The following LRMDA variants were observed in gnomAD, a reference collection of about 807,000 sequenced individuals.
The protein encoded by LRMDA is leucine-rich melanocyte differentiation-associated protein.
Under a neutral mutation model 29.8 loss-of-function variants are expected in LRMDA, and 18 were observed. The observed-to-expected ratio is 0.60, with a 90% CI of 0.42 to 0.90. LRMDA has a LOEUF of 0.90. Ranked by LOEUF, LRMDA falls within the 40% of genes least tolerant of loss-of-function variation. The probability of loss-of-function intolerance (pLI) is 0.00; values close to 1 mark genes in which losing one functional copy is unlikely to be tolerated. For missense variants in LRMDA, 273 were observed against 273.9 expected, an observed-to-expected ratio of 1.00 and a Z score of 0.02; for synonymous variants, 125 against 109.4, an observed-to-expected ratio of 1.14 and a Z score of -0.89.
At chr10:76,337,348 A>G (rs535155744) in intron 6 of LRMDA, among the ~76,000 whole-genome samples, 3 of 152,320 alleles carry the variant, frequency 2.0e-5, no homozygotes, top group African/African-American at 7.2e-5. Flanking sequence ...TAAGATGAAA[A>G]CGACAGCAGA....
chr10:76,460,744 A>G (rs1333671195), intron 6 of LRMDA, among the ~76,000 whole-genome samples: 1 of 152,172 alleles, frequency 6.6e-6, no homozygotes, highest in African/African-American at 2.4e-5. Flanking sequence ...AGCACTCTTC[A>G]TTTCCCTACT....
At chr10:76,190,543 G>A (rs1034084807) in intron 5 of LRMDA, among the ~76,000 whole-genome samples, 1 of 152,196 alleles carries the variant, frequency 6.6e-6, no homozygotes, top group Non-Finnish European at 1.5e-5. Context: ...ATTCTGTCAA[G>A]TTTATTATCC....
At chr10:75,789,140 G>C (rs2132250414) in intron 2 of LRMDA, among the ~76,000 whole-genome samples, 1 of 152,344 alleles carries the variant, frequency 6.6e-6, no homozygotes, top group African/African-American at 2.4e-5. Context: ...GACACTTCTA[G>C]CTGTGTGACT....
chr10:76,202,960 G>C (rs1675881585), intron 5 of LRMDA, among the ~76,000 whole-genome samples: 1 of 152,140 alleles, frequency 6.6e-6, no homozygotes, highest in Admixed American at 6.5e-5. Flanking sequence ...TTCTTTCTCT[G>C]ACTAATTGGA....
intron 2 of LRMDA, among the ~76,000 whole-genome samples, chr10:75,588,289 G>A (rs1840680026): frequency 6.6e-6 from 1 of 152,208 alleles, no homozygotes; most frequent in African/African-American, 2.4e-5. Context: ...TGGAGCAAAG[G>A]CAGAAAACAA....
chr10:76,284,327 A>G (rs532784084), intron 5 of LRMDA, among the ~76,000 whole-genome samples: 1 of 152,254 alleles, frequency 6.6e-6, no homozygotes, highest in South Asian at 2.1e-4. Flanking sequence ...GATGTGATGA[A>G]GCAAGCAGAG....
intron 2 of LRMDA, among the ~76,000 whole-genome samples, chr10:75,725,974 C>T (rs1017779194): frequency 3.9e-5 from 6 of 152,126 alleles, no homozygotes; most frequent in African/African-American, 1.4e-4. Context: ...GCCCTATCCC[C>T]TAGGGAGTGG....
At position 75,897,817 on chromosome 10, in the gene LRMDA, C is replaced by CTTTTTT. The variant is rs3042518; in HGVS notation, c.132-138173_132-138168dup. The stretch of plus-strand genomic sequence containing the variant: ...GTTTTGCTAAAGCACTTCTTCCTGC[C>CTTTTTT]TTTTTTTTTTTTTTTTTTTTTTTGA... On this transcript the variant is annotated intron_variant, in intron 2 of 6. Transcript: ENST00000611255. Among the ~76,000 whole-genome samples the CTTTTTT allele has an allele frequency of 1.1e-3, 85 of 78,408 alleles. 2 individuals are homozygous for CTTTTTT. Among genetic ancestry groups the CTTTTTT allele is most frequent in the Non-Finnish European group, 1.2e-3 (55 of 44,584 alleles). The allele number at this position is 78,408 out of a possible 152,430, so 51.4% of individuals were successfully genotyped here. A position where few individuals can be genotyped will look rare whatever the true frequency, so the allele number is the denominator to read the frequency against.
At chr10:76,320,539 A>C (rs1840758124) in intron 5 of LRMDA, among the ~76,000 whole-genome samples, 1 of 152,168 alleles carries the variant, frequency 6.6e-6, no homozygotes, top group African/African-American at 2.4e-5. Context: ...TTGTTACAGG[A>C]ATTTTTCTCT....
intron 2 of LRMDA, among the ~76,000 whole-genome samples, chr10:75,679,948 G>A (rs1842004670): frequency 6.6e-6 from 1 of 152,182 alleles, no homozygotes; most frequent in South Asian, 2.1e-4. Context: ...AAAAATGGCT[G>A]TCATGGTAGC....
At chr10:76,238,706 C>T (rs1341421186) in intron 5 of LRMDA, among the ~76,000 whole-genome samples, 1 of 150,514 alleles carries the variant, frequency 6.6e-6, no homozygotes, top group South Asian at 2.1e-4. Flanking sequence ...CGGACAACAT[C>T]AACAATGTAA....
intron 5 of LRMDA, among the ~76,000 whole-genome samples, chr10:76,060,585 C>T (rs1848688314): frequency 6.6e-6 from 1 of 152,218 alleles, no homozygotes; most frequent in South Asian, 2.1e-4. Context: ...ACTCTTCTCT[C>T]TCTGCTTTCT....
At chr10:76,248,184 C>T (rs1012445673) in intron 5 of LRMDA, among the ~76,000 whole-genome samples, 1 of 151,952 alleles carries the variant, frequency 6.6e-6, no homozygotes, top group Non-Finnish European at 1.5e-5. Flanking sequence ...ATTTTTGTAC[C>T]CCCAGGGCAG....
intron 6 of LRMDA, among the ~76,000 whole-genome samples, chr10:76,445,109 C>A (rs1242287384): frequency 6.6e-6 from 1 of 152,052 alleles, no homozygotes; most frequent in African/African-American, 2.4e-5. Context: ...ATCTAGAGGG[C>A]ATGTAGTTAT....
chr10:75,592,984 A>C (rs1840742768), intron 2 of LRMDA, among the ~76,000 whole-genome samples: 1 of 151,960 alleles, frequency 6.6e-6, no homozygotes, highest in African/African-American at 2.4e-5. Context: ...TTCCTTCCAT[A>C]ATCATCTCCA....
chr10:75,728,481 G>A lies in LRMDA; in HGVS notation c.131+289987G>A, dbSNP rs147237809. ...GTGTGTGTGTGTGTGTATGAAAGGT[G>A]CATATACAGAGGTGGTAGACACTGG... On this transcript the variant is annotated intron_variant, in intron 2 of 6. Coordinates refer to ENST00000611255, the MANE Select transcript of LRMDA (RefSeq NM_001305581.2). 4.1e-4 allele frequency among the ~76,000 whole-genome samples: 61 copies of A among 147,480 alleles called. 1 individual carries two copies. The East Asian group carries it at 0.011, about 27-fold the overall frequency.
At chr10:76,134,733 GA>G (rs1401166454) in intron 5 of LRMDA, among the ~76,000 whole-genome samples, 1 of 152,112 alleles carries the variant, frequency 6.6e-6, no homozygotes, top group Non-Finnish European at 1.5e-5. Flanking sequence ...TCAGGGGGTG[GA>G]AAGGAATTAA....
intron 3 of LRMDA, among the ~76,000 whole-genome samples, chr10:76,037,313 A>G (rs1848266609): frequency 6.6e-6 from 1 of 152,200 alleles, no homozygotes; most frequent in Non-Finnish European, 1.5e-5. Flanking sequence ...TAGTTAAACC[A>G]CTTGTTCACA....
At chr10:76,351,734 T>C (rs1224866602) in intron 6 of LRMDA, among the ~76,000 whole-genome samples, 3 of 148,630 alleles carry the variant, frequency 2.0e-5, no homozygotes, top group Non-Finnish European at 3.0e-5. Flanking sequence ...CCCTGTGAGA[T>C]AGGTCTTATC....
Sources: gnomAD v4.1 joint callset for allele counts (sites outside exome capture counted in the v4.1 genomes callset) on GRCh38, gnomAD v4.1.1 for gene constraint, MANE v1.5 for transcripts, NCBI Gene and HGNC (gene_info 2026-07-23, HGNC 2026-07-21) for gene names.